Variants in PECR observed in about 807,000 individuals in gnomAD.
The protein encoded by PECR is 2,4-dienoyl-CoA reductase-related protein.
In PECR, 30 loss-of-function variants were observed where a neutral mutation model predicts 35.3. The ratio of observed to expected loss-of-function variants is 0.85; its 90% confidence interval spans 0.64 to 1.15. The LOEUF is 1.15. PECR is among the 50% of genes most tolerant of loss of function. The pLI is 0.00. For missense variants in PECR, 392 were observed against 370.8 expected (o/e 1.06, Z -0.47); for synonymous variants, 148 against 138.9 (o/e 1.07, Z -0.46).
downstream of PECR, among the ~76,000 whole-genome samples, chr2:216,035,450 T>C (rs979057264): frequency 2.6e-5 from 4 of 151,326 alleles, no homozygotes; most frequent in Admixed American, 6.6e-5. Flanking sequence ...CCCTACTCAA[T>C]CTGGGTGTCA....
rs1462147445 is a variant in PECR at position 216,049,301 on chromosome 2, GA to G, written c.675del (p.Gln226ArgfsTer68). 2.4e-5 allele frequency: 38 copies of G among 1,601,454 alleles called. No individual in the cohort carries two copies. The highest frequency in any genetic ancestry group is 3.1e-5 in the Non-Finnish European group (36 of 1,168,586). ...SWGQSFFEGS[F>X]QKIPAKRIGV... Reference sequence around the variant, plus strand: ...CCAATTCGTTTAGCGGGGATTTTCTGAAAAGACCCTTCAAAGAAGCTTTGTC... The same window carrying G: ...CCAATTCGTTTAGCGGGGATTTTCTGAAAGACCCTTCAAAGAAGCTTTGTC... On this transcript the variant is annotated frameshift_variant, in exon 6 of 8. Transcript: ENST00000265322. LOFTEE classifies it high-confidence loss of function.
chr2:216,061,333 AAAAAAAAAAAG>A (rs1317140923), intron 3 of PECR, among the ~76,000 whole-genome samples: 5 of 148,866 alleles, frequency 3.4e-5, no homozygotes, highest in East Asian at 1.9e-4. Context: ...AAAAAAAAAA[AAAAAAAAAAAG>A]GAACCTAAAC....
intron 7 of PECR, among the ~76,000 whole-genome samples, chr2:216,031,778 T>C (rs1574667697): frequency 6.6e-6 from 1 of 152,166 alleles, no homozygotes; most frequent in Non-Finnish European, 1.5e-5. Context: ...CATACCAGCC[T>C]ACCTCCACTT....
chr2:216,035,476 T>G (rs1694778394), downstream of PECR, among the ~76,000 whole-genome samples: 1 of 148,822 alleles, frequency 6.7e-6, no homozygotes, highest in African/African-American at 2.5e-5. Context: ...AGGGGTGCTA[T>G]GGAGGGCTCT....
intron 1 of PECR, among the ~76,000 whole-genome samples, chr2:216,067,391 A>T (rs977346014): frequency 2.0e-5 from 3 of 152,108 alleles, no homozygotes; most frequent in African/African-American, 7.2e-5. Flanking sequence ...AAAACCTTTC[A>T]CGGGGCATTC....
At chr2:216,048,643 G>C (rs1325125567) in intron 6 of PECR, among the ~76,000 whole-genome samples, 2 of 151,754 alleles carry the variant, frequency 1.3e-5, no homozygotes, top group African/African-American at 4.8e-5. Flanking sequence ...CCAGGAGGTG[G>C]AAGTTCCAGT....
chr2:216,051,454 C>A lies in PECR; in HGVS notation c.598G>T (p.Ala200Ser), dbSNP rs887695255. The A allele has an allele frequency of 6.3e-7, 1 of 1,587,764 alleles. No homozygotes were observed. The highest frequency in any genetic ancestry group is 1.1e-5 in the South Asian group (1 of 90,564). ...ACSGIRINCVAPGVIYSQTAV... is the reference protein window; with the variant it reads ...ACSGIRINCVSPGVIYSQTAV... ...AATATAGATCGTTTACCTACAGGGG[C>A]AACACAATTGATCCGTATTCCACTG... Residue 200 changes from alanine (A) to serine (S), a missense_variant, in exon 5 of 8, where the codon GCC becomes TCC. Transcript: ENST00000265322.
At chr2:216,032,826 G>A (rs1694730386) in intron 7 of PECR, 1 of 152,124 alleles carries the variant, frequency 6.6e-6, no homozygotes, top group African/African-American at 2.4e-5. Context: ...CTGCTGGTTG[G>A]TCTTATTTCA....
At chr2:216,043,167 G>T (rs1694929412) in intron 7 of PECR, among the ~76,000 whole-genome samples, 1 of 150,382 alleles carries the variant, frequency 6.6e-6, no homozygotes, top group Non-Finnish European at 1.5e-5. Context: ...GAGTGCAGTG[G>T]CACAATCTCG....
rs139606183 is a variant in PECR, at chr2:216,032,449, G to A, written c.*440+6742C>T. On this transcript the variant is annotated intron_variant and NMD_transcript_variant, in intron 7 of 7. Coordinates refer to the PECR transcript ENST00000442122. ...CATTGTCCATTTCTTGCAACCCTCCGTTGACCCAGTTGGCTTATGCTAGAG... is the reference window on the plus strand; with the variant it reads ...CATTGTCCATTTCTTGCAACCCTCCATTGACCCAGTTGGCTTATGCTAGAG... 4.3e-3 allele frequency among the ~76,000 whole-genome samples: 649 copies of A among 152,254 alleles called. 4 individuals are homozygous for A. Among genetic ancestry groups the A allele is most frequent in the African/African-American group, 0.015 (610 of 41,532 alleles).
intron 1 of PECR, among the ~76,000 whole-genome samples, chr2:216,073,797 A>G (rs893190916): frequency 6.6e-6 from 1 of 152,200 alleles, no homozygotes; most frequent in Non-Finnish European, 1.5e-5. Flanking sequence ...GCAATAGGCT[A>G]TTGACCATAT....
intron 1 of PECR, among the ~76,000 whole-genome samples, chr2:216,079,473 T>G (rs1162101330): frequency 6.6e-6 from 1 of 151,440 alleles, no homozygotes; most frequent in Non-Finnish European, 1.5e-5. Flanking sequence ...GTTCACGCCA[T>G]TCTCCTGCCT....
At chr2:216,061,014 C>T (rs906379035) in intron 3 of PECR, among the ~76,000 whole-genome samples, 1 of 150,834 alleles carries the variant, frequency 6.6e-6, no homozygotes, top group African/African-American at 2.4e-5. Context: ...TGGAATGAGC[C>T]GGGAGCAGTG....
intron 1 of PECR, among the ~76,000 whole-genome samples, chr2:216,077,417 G>A (rs1015782904): frequency 2.0e-5 from 3 of 152,094 alleles, no homozygotes; most frequent in African/African-American, 7.2e-5. Flanking sequence ...TGAGGCAGGA[G>A]AATGGCTTGA....
At chr2:216,042,981 ATATATATATACATACGTATATGTG>A (rs1694916243) in intron 7 of PECR, among the ~76,000 whole-genome samples, 3 of 143,018 alleles carry the variant, frequency 2.1e-5, no homozygotes, top group Non-Finnish European at 4.5e-5. Context: ...GTATATGTGT[ATATATATATACATACGTATATGTG>A]TATATATATA....
intron 7 of PECR, among the ~76,000 whole-genome samples, chr2:216,043,091 A>ACG (rs1694926564): frequency 6.9e-6 from 1 of 144,502 alleles, no homozygotes; most frequent in South Asian, 2.1e-4. Flanking sequence ...ACACATACAT[A>ACG]TATATGTATG....
chr2:216,039,831 T>C (rs914352986), intron 7 of PECR, among the ~76,000 whole-genome samples: 4 of 152,230 alleles, frequency 2.6e-5, no homozygotes, highest in Middle Eastern at 6.3e-3. Context: ...CCAGGGAAGC[T>C]TGGCACCAAG....
chr2:216,068,225 C>CAA lies in PECR; in HGVS notation c.125-1709_125-1708dup, dbSNP rs34646067. Among the ~76,000 whole-genome samples the CAA allele has an allele frequency of 4.3e-3, 281 of 65,000 alleles. 2 individuals are homozygous for CAA. Among genetic ancestry groups the CAA allele is most frequent in the Middle Eastern group, 0.014 (1 of 74 alleles). The allele number at this position is 65,000 out of a possible 152,430, so 42.6% of individuals were successfully genotyped here. A position where few individuals can be genotyped will look rare whatever the true frequency, so the allele number is the denominator to read the frequency against. On this transcript the variant is annotated intron_variant, in intron 1 of 7. Transcript: ENST00000265322. ...TGAGTGACAGAGCAAGACTCCATAT[C>CAA]AAAAAAAAAAAAAAAAAAAAAAACC...
At chr2:216,036,191 C>T (rs1301678448), downstream of PECR, among the ~76,000 whole-genome samples, 1 of 152,238 alleles carries the variant, frequency 6.6e-6, no homozygotes, top group Non-Finnish European at 1.5e-5. Context: ...CCGCACCATC[C>T]ATAGGCAGCC....
Sources: allele counts gnomAD v4.1 joint callset (sites outside exome capture counted in the v4.1 genomes callset), GRCh38; gene constraint gnomAD v4.1.1; transcripts MANE v1.5; gene names NCBI Gene and HGNC (gene_info 2026-07-23, HGNC 2026-07-21).